The following NBAS variants were observed in gnomAD, a reference collection of about 807,000 sequenced individuals.
NBAS encodes NBAS subunit of NRZ tethering complex.
In NBAS, 219 loss-of-function variants were observed where a neutral mutation model predicts 302.5. That is an observed-to-expected ratio of 0.72 (90% CI 0.65 to 0.81). The LOEUF (loss-of-function observed/expected upper bound fraction) is 0.81, where lower values mean the gene tolerates loss of function less well. NBAS is among the 30% of genes least tolerant of loss of function. NBAS has a pLI of 0.00. For missense variants in NBAS, 2,932 were observed against 2,841.6 expected (o/e 1.03, Z -0.72); for synonymous variants, 1,118 against 1,021.6 (o/e 1.09, Z -1.80).
chr2:15,463,788 CAAAAAAAA>C (rs55808465), intron 19 of NBAS, among the ~76,000 whole-genome samples: 1 of 91,650 alleles, frequency 1.1e-5, no homozygotes, highest in African/African-American at 4.3e-5. Flanking sequence ...GAACCAAATG[CAAAAAAAA>C]AAAAAAAAAG....
chr2:15,407,118 G>T lies in NBAS; in HGVS notation c.2938-4817C>A, dbSNP rs548437073. Among the ~76,000 whole-genome samples, 5 of 152,296 alleles carry T rather than the reference G, an allele frequency of 3.3e-5. No homozygotes were observed. In the East Asian group the frequency reaches 9.6e-4, roughly 29 times the overall value. On this transcript the variant is annotated intron_variant, in intron 25 of 51. Transcript: ENST00000281513. ...CTGCTTGTAATTGCAAAAATATTGG[G>T]AATGGCATGTATCCCAACACATGGA...
the NBAS span, among the ~76,000 whole-genome samples, chr2:14,895,739 C>CAAAAAAAAAAAAAA: frequency 2.7e-3 from 253 of 95,376 alleles, no homozygotes; most frequent in African/African-American, 9.3e-3. Context: ...GACTCCGTCT[C>CAAAAAAAAAAAAAA]AAAAAAAAAA....
At chr2:15,164,644 A>G (rs1044168026), downstream of NBAS, among the ~76,000 whole-genome samples, 1 of 152,128 alleles carries the variant, frequency 6.6e-6, no homozygotes, top group Non-Finnish European at 1.5e-5. Context: ...GTTTTCAGAG[A>G]AAGGTTTGGG....
At chr2:14,878,243 G>A in the NBAS span, among the ~76,000 whole-genome samples, 2 of 152,166 alleles carry the variant, frequency 1.3e-5, no homozygotes, top group Non-Finnish European at 2.9e-5. Flanking sequence ...AATGGGGAAT[G>A]TTCTCAAGAG....
chr2:15,557,524 T>C (rs1051977453), intron 2 of NBAS, among the ~76,000 whole-genome samples: 5 of 152,344 alleles, frequency 3.3e-5, no homozygotes, highest in Middle Eastern at 6.8e-3. Context: ...AAACTGAATA[T>C]GCTAGTGCTT....
At position 15,424,911 on chromosome 2, in the gene NBAS, G is replaced by C. The variant is rs186888299; in HGVS notation, c.2424-443C>G. 4.6e-5 allele frequency among the ~76,000 whole-genome samples: 7 copies of C among 152,096 alleles called. No homozygotes were observed. In the East Asian group the frequency reaches 1.4e-3, roughly 29 times the overall value. ...ATTTGAATTAAGAAATCTTGTTTTCGATGTTCATAAAAATAAGAGGAAATA... is the reference window on the plus strand; with the variant it reads ...ATTTGAATTAAGAAATCTTGTTTTCCATGTTCATAAAAATAAGAGGAAATA... On this transcript the variant is annotated intron_variant, in intron 22 of 51. Transcript: ENST00000281513.
At chr2:15,407,757 G>A (rs2148442999) in intron 25 of NBAS, among the ~76,000 whole-genome samples, 1 of 152,220 alleles carries the variant, frequency 6.6e-6, no homozygotes, top group Middle Eastern at 3.4e-3. Context: ...ATTTTTCTAT[G>A]CTGCCATAAT....
At chr2:14,834,410 A>T in the NBAS span, among the ~76,000 whole-genome samples, 1 of 152,148 alleles carries the variant, frequency 6.6e-6, no homozygotes, top group East Asian at 1.9e-4. Context: ...GGCCTACTGC[A>T]GATGGACAAT....
At chr2:15,484,649 T>C (rs1299963930) in intron 12 of NBAS, among the ~76,000 whole-genome samples, 1 of 152,130 alleles carries the variant, frequency 6.6e-6, no homozygotes, top group East Asian at 1.9e-4. Context: ...CAATAATCCT[T>C]CTCCCCAACA....
chr2:15,370,864 A>AT (rs1674450000), intron 31 of NBAS, among the ~76,000 whole-genome samples: 1 of 152,144 alleles, frequency 6.6e-6, no homozygotes, highest in Non-Finnish European at 1.5e-5. Flanking sequence ...CACAGATGAG[A>AT]TTTTGGACTT....
chr2:15,205,492 G>C (rs34761277), intron 48 of NBAS, among the ~76,000 whole-genome samples: 6,226 of 149,892 alleles, frequency 0.042, 176 homozygotes, highest in Middle Eastern at 0.072. Context: ...AAAAAAACCA[G>C]ACCCAATGAT....
chr2:15,137,598 T>G, the NBAS span, among the ~76,000 whole-genome samples: 1 of 152,188 alleles, frequency 6.6e-6, no homozygotes, highest in Non-Finnish European at 1.5e-5. Flanking sequence ...TAATGGTACC[T>G]TCAGTTTTTC....
In NBAS at chr2:15,275,478, G is replaced by C; in HGVS notation, c.5724+6C>G. On this transcript the variant is annotated splice_donor_region_variant and intron_variant, in intron 44 of 51. Transcript: ENST00000281513. The stretch of plus-strand genomic sequence containing the variant: ...TCAAACCACTTTAAAATATCTTTTT[G>C]TTTACCTTGGTCACAGCTTTTGGAG... 1 of 1,613,098 alleles carries C rather than the reference G, an allele frequency of 6.2e-7. No homozygotes were observed. Among genetic ancestry groups the C allele is most frequent in the East Asian group, 2.2e-5 (1 of 44,892 alleles).
At chr2:14,919,644 C>T in the NBAS span, among the ~76,000 whole-genome samples, 4 of 152,152 alleles carry the variant, frequency 2.6e-5, no homozygotes, top group African/African-American at 7.2e-5. Context: ...ACTAAGGATA[C>T]GTAATAATCT....
chr2:15,219,940 G>A (rs1189321452), intron 47 of NBAS, among the ~76,000 whole-genome samples: 2 of 149,798 alleles, frequency 1.3e-5, no homozygotes, highest in Non-Finnish European at 3.0e-5. Context: ...TGGGGCGGCT[G>A]GCCGGGCAGA....
intron 21 of NBAS, among the ~76,000 whole-genome samples, chr2:15,448,077 C>T (rs1476271743): frequency 6.6e-6 from 1 of 152,144 alleles, no homozygotes; most frequent in Non-Finnish European, 1.5e-5. Context: ...CTTGGCCTCC[C>T]AAAGGCCACA....
At chr2:14,917,921 G>T in the NBAS span, among the ~76,000 whole-genome samples, 5 of 152,132 alleles carry the variant, frequency 3.3e-5, no homozygotes, top group South Asian at 4.1e-4. Context: ...CCACAAATTT[G>T]TGACCTTGTC....
intron 44 of NBAS, among the ~76,000 whole-genome samples, chr2:15,251,439 T>C (rs1668361071): frequency 6.6e-6 from 1 of 152,158 alleles, no homozygotes; most frequent in Non-Finnish European, 1.5e-5. Flanking sequence ...ACGTATATCC[T>C]AGAACTTGAA....
chr2:15,493,558 T>G (rs1680950656), intron 11 of NBAS, among the ~76,000 whole-genome samples: 1 of 151,772 alleles, frequency 6.6e-6, no homozygotes, highest in South Asian at 2.1e-4. Context: ...TCCCAGCTAC[T>G]TAGAAGGCTG....
Sources: allele counts gnomAD v4.1 joint callset (sites outside exome capture counted in the v4.1 genomes callset), GRCh38; gene constraint gnomAD v4.1.1; transcripts MANE v1.5; gene names NCBI Gene and HGNC (gene_info 2026-07-23, HGNC 2026-07-21).